ACTL8: variants seen among roughly 807,000 people sequenced by gnomAD.
ACTL8 encodes the protein actin-like protein 8.
In ACTL8, 3 loss-of-function variants were observed where a neutral mutation model predicts 9.3. The observed-to-expected ratio is 0.32, with a 90% CI of 0.15 to 0.83. The LOEUF (loss-of-function observed/expected upper bound fraction) is 0.83, where lower values mean the gene tolerates loss of function less well. ACTL8 is among the 40% of genes least tolerant of loss of function. ACTL8 has a pLI of 0.57. For synonymous variants in ACTL8, 224 were observed against 205.9 expected (o/e 1.09, Z -0.75); for missense variants, 381 against 492.2 (o/e 0.77, Z 2.14).
At chr1:17,784,933 G>A (rs1314362738) in intron 1 of ACTL8, among the ~76,000 whole-genome samples, 1 of 152,214 alleles carries the variant, frequency 6.6e-6, no homozygotes, top group Non-Finnish European at 1.5e-5. Flanking sequence ...CACAATCATG[G>A]CAGAAGGCAA....
At position 17,826,505 on chromosome 1, in the gene ACTL8, C is replaced by A; in HGVS notation, c.1087C>A (p.His363Asn). The change falls in exon 3 of 3, where the codon CAT (histidine) becomes AAT (asparagine). Residue 363 changes from histidine to asparagine, a missense_variant. His to Asn is a moderately conservative substitution (Grantham distance 68, BLOSUM62 1). Around this residue, in one of 3 missense-constraint regions of ACTL8, gnomAD observed 243 missense variants for 276.2 expected, o/e 0.88. Coordinates refer to ENST00000375406, the MANE Select transcript of ACTL8 (RefSeq NM_030812.3). This position sits in a 1 kb window ranked among gnomAD's most constrained non-coding sequence, Gnocchi z 4.5. ...EWMSREEYGE[H>N]MRM ...GATGTCCCGAGAGGAGTATGGTGAG[C>A]ATATGAGGATGTGACCCTACTGGCT... The A allele has an allele frequency of 6.4e-7, 1 of 1,574,296 alleles. No individual in the cohort carries two copies.
intron 1 of ACTL8, among the ~76,000 whole-genome samples, chr1:17,763,385 T>G (rs902298956): frequency 6.6e-6 from 1 of 152,110 alleles, no homozygotes; most frequent in African/African-American, 2.4e-5. Flanking sequence ...GTGTGGTCTT[T>G]AGAAAGCCTC....
chr1:17,776,969 ATTTTTTTTTTTTTTTTTTTTTTTTTTT>A (rs765972298), intron 1 of ACTL8, among the ~76,000 whole-genome samples: 1,712 of 50,572 alleles, frequency 0.034, 40 homozygotes, highest in South Asian at 0.071. Flanking sequence ...CTGGCTAATG[ATTTTTTTTTTTTTTTTTTTTTTTTTTT>A]TTTTTTTTTA....
chr1:17,777,388 C>T (rs973874307), intron 1 of ACTL8, among the ~76,000 whole-genome samples: 6 of 152,170 alleles, frequency 3.9e-5, no homozygotes, highest in East Asian at 1.9e-4. Flanking sequence ...CTTCATCCCT[C>T]AGCCCCAGGC....
intron 1 of ACTL8, among the ~76,000 whole-genome samples, chr1:17,763,250 G>T (rs2066020078): frequency 6.6e-6 from 1 of 151,882 alleles, no homozygotes; most frequent in Admixed American, 6.6e-5. Context: ...GTGGGCTGGG[G>T]AGCGGGAGTG....
At chr1:17,781,071 A>C (rs998245521) in intron 1 of ACTL8, among the ~76,000 whole-genome samples, 19 of 152,052 alleles carry the variant, frequency 1.2e-4, no homozygotes, top group African/African-American at 4.3e-4. Flanking sequence ...GTAACCTCCG[A>C]AGGCTCTGGC....
intron 1 of ACTL8, among the ~76,000 whole-genome samples, chr1:17,769,845 T>C (rs1273562479): frequency 1.3e-5 from 2 of 152,158 alleles, no homozygotes; most frequent in Non-Finnish European, 2.9e-5. Flanking sequence ...TCCAAAATAA[T>C]TGAAATTTTA....
intron 1 of ACTL8, among the ~76,000 whole-genome samples, chr1:17,782,830 A>G (rs1343437771): frequency 2.0e-5 from 3 of 152,216 alleles, no homozygotes. Flanking sequence ...ACACATCTCA[A>G]ACGCCTTTTA....
At chr1:17,822,763 G>A (rs1053969268) in intron 1 of ACTL8, among the ~76,000 whole-genome samples, 3 of 152,258 alleles carry the variant, frequency 2.0e-5, no homozygotes, top group East Asian at 3.9e-4. Context: ...AGGGGTGGGG[G>A]CCACTTCCTG....
chr1:17,809,364 G>C (rs1261720558), intron 1 of ACTL8, among the ~76,000 whole-genome samples: 1 of 152,154 alleles, frequency 6.6e-6, no homozygotes, highest in Non-Finnish European at 1.5e-5. Flanking sequence ...AGTGATGAGA[G>C]CTGGTTTTTG....
At chr1:17,755,677 C>T (rs906100612) in intron 1 of ACTL8, among the ~76,000 whole-genome samples, 173 bp downstream of exon 1, 12 of 151,618 alleles carry the variant, frequency 7.9e-5, no homozygotes, top group Non-Finnish European at 1.8e-4. Context: ...GAGTGACAGG[C>T]TCTACCTCAG....
intron 1 of ACTL8, among the ~76,000 whole-genome samples, chr1:17,759,008 C>G (rs2065984372): frequency 1.3e-5 from 2 of 152,118 alleles, no homozygotes; most frequent in South Asian, 4.1e-4. Flanking sequence ...TATTAGTCTC[C>G]TTGTTTTGGG....
rs2066055828 is a variant in ACTL8 at position 17,767,835 on chromosome 1, G to T, written c.-25+12331G>T. ...GATGCCGTGACTGCTGACACGGGAGGAATGACACTGCGTTACTCAAGCAGG... is the reference window on the plus strand; with the variant it reads ...GATGCCGTGACTGCTGACACGGGAGTAATGACACTGCGTTACTCAAGCAGG... On this transcript the variant is annotated intron_variant, in intron 1 of 2. Transcript: ENST00000375406. The surrounding 1 kb of genome is among the most constrained non-coding windows in gnomAD (Gnocchi z 4.7). 6.6e-6 allele frequency among the ~76,000 whole-genome samples: 1 copy of T among 152,104 alleles called. No homozygotes were observed. The highest frequency in any genetic ancestry group is 2.4e-5 in the African/African-American group (1 of 41,410).
chr1:17,783,494 A>G (rs564842743), intron 1 of ACTL8, among the ~76,000 whole-genome samples: 17 of 152,236 alleles, frequency 1.1e-4, no homozygotes, highest in African/African-American at 3.6e-4. Flanking sequence ...AGCACCACAT[A>G]TACGAAAACA....
chr1:17,789,254 T>C (rs1199000209), intron 1 of ACTL8, among the ~76,000 whole-genome samples: 3 of 152,034 alleles, frequency 2.0e-5, no homozygotes, highest in Admixed American at 6.5e-5. Context: ...TCCCCTGACA[T>C]AGAAGGGAGG....
chr1:17,814,575 G>A (rs973062838), intron 1 of ACTL8, among the ~76,000 whole-genome samples: 3 of 150,756 alleles, frequency 2.0e-5, no homozygotes, highest in Admixed American at 6.6e-5. Context: ...TGTTACAATC[G>A]CCTACAGTAT....
At chr1:17,778,201 G>T (rs1462705062) in intron 1 of ACTL8, among the ~76,000 whole-genome samples, 1 of 152,190 alleles carries the variant, frequency 6.6e-6, no homozygotes, top group African/African-American at 2.4e-5. Flanking sequence ...GGTAGGCTGG[G>T]GCAGCTTTGG....
At chr1:17,814,156 G>T (rs948481671) in intron 1 of ACTL8, among the ~76,000 whole-genome samples, 21 of 152,172 alleles carry the variant, frequency 1.4e-4, no homozygotes, top group African/African-American at 5.1e-4. Context: ...GGTCCCATAA[G>T]ATTATAATAT....
Position 17,803,442 on chromosome 1 carries a change from T to C in ACTL8, c.-24-19543T>C, listed in dbSNP as rs1414948292. Reference sequence around the variant, plus strand: ...ACCTCCTGGGTTCAAGTGATTCTCCTGCCTCAGTTTTCTCAGTAGCTGAGA... The same window carrying C: ...ACCTCCTGGGTTCAAGTGATTCTCCCGCCTCAGTTTTCTCAGTAGCTGAGA... On this transcript the variant is annotated intron_variant, in intron 1 of 2. Transcript: ENST00000375406. Among the ~76,000 whole-genome samples the C allele has an allele frequency of 2.0e-5, 3 of 152,376 alleles. No homozygotes were observed. The East Asian group carries it at 5.8e-4, about 29-fold the overall frequency.
Sources: gnomAD v4.1 joint callset for allele counts (sites outside exome capture counted in the v4.1 genomes callset) on GRCh38, gnomAD v4.1.1 for gene constraint, gnomAD v4.1.1 regional missense constraint, Gnocchi (gnomAD v3.1) non-coding constraint, MANE v1.5 for transcripts, NCBI Gene and HGNC (gene_info 2026-07-23, HGNC 2026-07-21) for gene names.